PHLDB2: variants seen among roughly 807,000 people sequenced by gnomAD.
PHLDB2 encodes pleckstrin homology like domain family B member 2.
In PHLDB2, 71 loss-of-function variants were observed where a neutral mutation model predicts 123.6. That is an observed-to-expected ratio of 0.57 (90% CI 0.47 to 0.70). PHLDB2 has a LOEUF of 0.70. Ranked by LOEUF, PHLDB2 falls within the 30% of genes least tolerant of loss-of-function variation. The pLI, the probability that PHLDB2 is intolerant of heterozygous loss-of-function variation, is 0.00. For synonymous variants in PHLDB2, 547 were observed against 541.6 expected, an observed-to-expected ratio of 1.01 and a Z score of -0.14; for missense variants, 1,446 against 1,519.5, an observed-to-expected ratio of 0.95 and a Z score of 0.80.
intron 2 of PHLDB2, among the ~76,000 whole-genome samples, chr3:111,905,577 G>A (rs1483272981): frequency 4.6e-5 from 7 of 152,004 alleles, no homozygotes; most frequent in Non-Finnish European, 5.9e-5. Flanking sequence ...GGCTGGTCTC[G>A]AACTCCTGTC....
rs552148205 is a variant in PHLDB2 at position 111,909,776 on chromosome 3, TAAA to T, written c.1336-3531_1336-3529del. ...TCACACCAGTTATAATAGGTCCTCC[TAAA>T]AAAAAAAAAAATCCCATTTCAACTA... On this transcript the variant is annotated intron_variant, in intron 2 of 17. Coordinates refer to ENST00000431670, the MANE Select transcript of PHLDB2 (RefSeq NM_001134438.2). 9.3e-4 allele frequency among the ~76,000 whole-genome samples: 131 copies of T among 140,372 alleles called. 1 individual carries two copies. Among genetic ancestry groups the T allele is most frequent in the African/African-American group, 3.3e-3 (126 of 38,680 alleles). 92.1% of individuals were successfully genotyped at this position (140,372 alleles called of 152,430 possible).
chr3:111,855,240 A>C (rs138867539), upstream of PHLDB2, among the ~76,000 whole-genome samples: 1 of 152,204 alleles, frequency 6.6e-6, no homozygotes, highest in Non-Finnish European at 1.5e-5. Flanking sequence ...TAACCACTAC[A>C]GATCCTGGAG....
intron 6 of PHLDB2, among the ~76,000 whole-genome samples, chr3:111,938,703 C>T (rs986806183): frequency 2.0e-5 from 3 of 152,126 alleles, no homozygotes; most frequent in East Asian, 3.8e-4. Context: ...CTGGTCTGTA[C>T]GTGTGCCAAC....
chr3:111,865,922 C>G (rs963007074), intron 1 of PHLDB2, among the ~76,000 whole-genome samples: 12 of 150,300 alleles, frequency 8.0e-5, no homozygotes, highest in African/African-American at 2.9e-4. Flanking sequence ...AATACTCATT[C>G]TGCACAATCA....
chr3:111,774,531 C>G (rs2060233284), intron 1 of PHLDB2, among the ~76,000 whole-genome samples: 1 of 152,154 alleles, frequency 6.6e-6, no homozygotes, highest in Non-Finnish European at 1.5e-5. Flanking sequence ...AAATGTAAGA[C>G]ATGCAGAGTC....
chr3:111,874,383 G>A (rs779584572), intron 1 of PHLDB2, among the ~76,000 whole-genome samples: 3 of 152,180 alleles, frequency 2.0e-5, no homozygotes, highest in Admixed American at 6.5e-5. Flanking sequence ...ATCTCTTACC[G>A]TATGTCTCCC....
intron 1 of PHLDB2, among the ~76,000 whole-genome samples, chr3:111,791,933 TA>T (rs1239356686): frequency 1.3e-5 from 2 of 152,202 alleles, no homozygotes; most frequent in Admixed American, 6.5e-5. Context: ...TCTATCTAAC[TA>T]TATTTTTGTA....
intron 1 of PHLDB2, among the ~76,000 whole-genome samples, chr3:111,738,589 A>G (rs2059549185): frequency 6.6e-6 from 1 of 152,094 alleles, no homozygotes; most frequent in Non-Finnish European, 1.5e-5. Flanking sequence ...AGGCCAAACC[A>G]CAGCTTCTTT....
chr3:111,764,560 G>T (rs975076147), intron 1 of PHLDB2, among the ~76,000 whole-genome samples: 1 of 152,014 alleles, frequency 6.6e-6, no homozygotes, highest in Non-Finnish European at 1.5e-5. Context: ...GGTTTTGCCA[G>T]ATTTCATAAA....
chr3:111,750,558 C>T (rs1045061659), intron 1 of PHLDB2, among the ~76,000 whole-genome samples: 3 of 152,058 alleles, frequency 2.0e-5, no homozygotes, highest in Non-Finnish European at 4.4e-5. Flanking sequence ...AGTGTGTGTA[C>T]GAAAGTTGGA....
At chr3:111,819,447 A>G (rs1233350133) in intron 1 of PHLDB2, among the ~76,000 whole-genome samples, 1 of 152,204 alleles carries the variant, frequency 6.6e-6, no homozygotes, top group Admixed American at 6.5e-5. Flanking sequence ...GAAATAGAAG[A>G]CCTTTCTGCA....
chr3:111,940,541 A>G lies in PHLDB2; in HGVS notation c.2293A>G (p.Ile765Val). 2 of 1,594,400 alleles carry G rather than the reference A, an allele frequency of 1.3e-6. No individual in the cohort carries two copies. The highest frequency in any genetic ancestry group is 1.7e-6 in the Non-Finnish European group (2 of 1,168,488). ...ATCATCTCTTTTCCTCCAGGAAAAA[A>G]TTTCTGCATTGAAAAAGCAAGCCAA... ...QRNIVSRKEK[I>V]SALKKQANHI... Residue 765 changes from isoleucine (I) to valine (V), a missense_variant, in exon 8 of 18, where the codon ATT becomes GTT. By Grantham distance (29) the Ile-to-Val change is conservative. Transcript: ENST00000431670.
chr3:111,880,577 G>A (rs923402740), intron 1 of PHLDB2, among the ~76,000 whole-genome samples: 2 of 152,070 alleles, frequency 1.3e-5, no homozygotes, highest in South Asian at 2.1e-4. Flanking sequence ...GGACAGTCCC[G>A]GTCATAACCA....
intron 1 of PHLDB2, among the ~76,000 whole-genome samples, chr3:111,760,299 C>T (rs553707939): frequency 2.9e-4 from 44 of 152,266 alleles, no homozygotes; most frequent in South Asian, 8.3e-4. Context: ...CCTATTTTAC[C>T]TTACGTGGAC....
intron 9 of PHLDB2, among the ~76,000 whole-genome samples, chr3:111,948,011 A>G (rs1314318130): frequency 6.6e-6 from 1 of 152,190 alleles, no homozygotes; most frequent in Non-Finnish European, 1.5e-5. Context: ...GGTGAAAATC[A>G]TGATTGGTCT....
intron 2 of PHLDB2, among the ~76,000 whole-genome samples, chr3:111,908,672 A>G (rs111385900): frequency 0.011 from 1,678 of 152,262 alleles, 38 homozygotes; most frequent in African/African-American, 0.038. Context: ...TGAGGAAGAG[A>G]GGAGCCATCT....
At chr3:111,944,223 T>G (rs995065921) in intron 8 of PHLDB2, among the ~76,000 whole-genome samples, 3 of 152,142 alleles carry the variant, frequency 2.0e-5, no homozygotes, top group Non-Finnish European at 4.4e-5. Context: ...AGAACAATGC[T>G]TGCTCATAAG....
Position 111,884,856 on chromosome 3 carries a change from A to C in PHLDB2, c.779A>C (p.Tyr260Ser), listed in dbSNP as rs2107333773. 6.2e-7 allele frequency: 1 copy of C among 1,614,214 alleles called. No homozygotes were observed. Among genetic ancestry groups the C allele is most frequent in the East Asian group, 2.2e-5 (1 of 44,886 alleles). The change falls in exon 2 of 18, where the codon TAC (tyrosine) becomes TCC (serine). Residue 260 changes from tyrosine to serine, a missense_variant. Tyr to Ser is a moderately radical substitution (Grantham distance 144, BLOSUM62 -2). Transcript: ENST00000431670. The stretch of plus-strand genomic sequence containing the variant: ...TACAGCCGATCACTTCCCAGGTTGT[A>C]CAGAGCCACAGAGAACCAGCTGACA... ...GAYSRSLPRL[Y>S]RATENQLTPL...
chr3:111,934,652 G>GT (rs1577123559), intron 6 of PHLDB2, among the ~76,000 whole-genome samples: 2 of 152,144 alleles, frequency 1.3e-5, no homozygotes, highest in East Asian at 3.8e-4. Flanking sequence ...TCTGATATTG[G>GT]TTTTGTGGCC....
Sources: allele counts gnomAD v4.1 joint callset (sites outside exome capture counted in the v4.1 genomes callset), GRCh38; gene constraint gnomAD v4.1.1; transcripts MANE v1.5; gene names NCBI Gene and HGNC (gene_info 2026-07-23, HGNC 2026-07-21).